Variants in ABCA4 observed in about 807,000 individuals in gnomAD.
ABCA4 encodes the protein ATP binding cassette subfamily A member 4, also known as retinal-specific phospholipid-transporting ATPase ABCA4.
In ABCA4, 196 loss-of-function variants were observed where a neutral mutation model predicts 263.7. The ratio of observed to expected loss-of-function variants is 0.74; its 90% CI spans 0.66 to 0.84. The LOEUF is 0.84. Ranked by LOEUF, ABCA4 falls within the 40% of genes least tolerant of loss-of-function variation. The pLI, the probability that ABCA4 is intolerant of heterozygous loss-of-function variation, is 0.00. For missense variants in ABCA4, 2,792 were observed against 2,855.1 expected, an observed-to-expected ratio of 0.98 and a Z score of 0.50; for synonymous variants, 1,133 against 1,094.2, an observed-to-expected ratio of 1.04 and a Z score of -0.70.
At chr1:94,002,795 C>A (rs1024007236) in intron 44 of ABCA4, among the ~76,000 whole-genome samples, 3 of 152,188 alleles carry the variant, frequency 2.0e-5, no homozygotes, top group Non-Finnish European at 4.4e-5. Context: ...AGCAGTTCCT[C>A]CCTGCGTTAC....
chr1:94,043,621 A>G, intron 20 of ABCA4, 146 bp from the exon 21 acceptor site: 1 of 1,108,928 alleles, frequency 9.0e-7, no homozygotes, highest in Non-Finnish European at 1.3e-6. Context: ...ATACAAAAAT[A>G]GCAGACCCTG....
intron 11 of ABCA4, 152 bp from the exon 12 acceptor site, chr1:94,063,469 G>T: frequency 1.2e-6 from 1 of 816,718 alleles, no homozygotes; most frequent in Non-Finnish European, 2.0e-6. Context: ...TAACTCCAGA[G>T]TCTGGTGTTA....
At chr1:94,055,903 A>T (rs1336040434) in intron 15 of ABCA4, among the ~76,000 whole-genome samples, 1 of 152,216 alleles carries the variant, frequency 6.6e-6, no homozygotes, top group Non-Finnish European at 1.5e-5. Flanking sequence ...CAGCACAGAG[A>T]CAGGGAGACT....
chr1:94,119,870 A>G (rs1160854529), intron 1 of ABCA4, among the ~76,000 whole-genome samples: 1 of 152,030 alleles, frequency 6.6e-6, no homozygotes, highest in Admixed American at 6.6e-5. Flanking sequence ...CTGAACCGAG[A>G]TTTGGAACAA....
intron 4 of ABCA4, 132 bp from the exon 5 acceptor site, chr1:94,103,274 A>G (rs1302213036): frequency 2.3e-5 from 27 of 1,165,070 alleles, no homozygotes; most frequent in Non-Finnish European, 3.1e-5. Flanking sequence ...GGTCTCTGGG[A>G]GCCCCTAGAG....
At chr1:94,115,886 G>A (rs992951077) in intron 1 of ABCA4, among the ~76,000 whole-genome samples, 2 of 152,068 alleles carry the variant, frequency 1.3e-5, no homozygotes, top group African/African-American at 4.8e-5. Context: ...TGCCAACTTG[G>A]AACCATGGTG....
chr1:94,023,337 A>G, intron 32 of ABCA4, 49 bp downstream of exon 32: 1 of 1,489,548 alleles, frequency 6.7e-7, no homozygotes, highest in Non-Finnish European at 9.3e-7. Context: ...CAATTATTTC[A>G]ACAATGAATC....
chr1:94,111,543 A>T lies in ABCA4; in HGVS notation c.197T>A (p.Met66Lys), dbSNP rs762081422. The part of the protein sequence containing the change: ...FPNKAMPSAG[M>K]LPWLQGIFCN... ...GAAGATCCCCTGGAGCCACGGCAGCATTCCTGCTGAGGGCATCGCCTTGTT... is the reference window on the plus strand; with the variant it reads ...GAAGATCCCCTGGAGCCACGGCAGCTTTCCTGCTGAGGGCATCGCCTTGTT... The change falls in exon 3 of 50, where the codon ATG becomes AAG. Residue 66 changes from methionine to lysine, a missense_variant. Coordinates refer to ENST00000370225, the MANE Select transcript of ABCA4 (RefSeq NM_000350.3). The T allele has an allele frequency of 1.2e-6, 2 of 1,614,246 alleles. No homozygotes were observed. The highest frequency in any genetic ancestry group is 1.7e-6 in the Non-Finnish European group (2 of 1,180,032).
chr1:94,029,824 G>T (rs1312053096), intron 29 of ABCA4, among the ~76,000 whole-genome samples, 193 bp from the exon 30 acceptor site: 1 of 152,122 alleles, frequency 6.6e-6, no homozygotes, highest in African/African-American at 2.4e-5. Context: ...TGTGGGGCTG[G>T]GGAATAACCA....
At chr1:94,019,807 G>A in intron 35 of ABCA4, 48 bp from the exon 36 acceptor site, 3 of 1,574,732 alleles carry the variant, frequency 1.9e-6, no homozygotes, top group South Asian at 1.2e-5. Context: ...AGAGGGAAGA[G>A]CAGAAGGAGG....
intron 35 of ABCA4, 98 bp from the exon 36 acceptor site, chr1:94,019,857 G>T (rs116362338): frequency 1.3e-5 from 17 of 1,340,774 alleles, no homozygotes; most frequent in Non-Finnish European, 1.6e-5. Context: ...CCTTACACCC[G>T]CCCAGGTGTG....
chr1:93,999,323 G>A (rs958225663), intron 47 of ABCA4, among the ~76,000 whole-genome samples: 4 of 152,222 alleles, frequency 2.6e-5, no homozygotes, highest in African/African-American at 9.6e-5. Context: ...TAGGATTACA[G>A]GTGTAAGCCA....
chr1:94,109,125 T>A (rs1420439792), intron 3 of ABCA4, among the ~76,000 whole-genome samples: 1 of 152,204 alleles, frequency 6.6e-6, no homozygotes, highest in Non-Finnish European at 1.5e-5. Flanking sequence ...CTACATTGAG[T>A]ATCCTTACAA....
intron 14 of ABCA4, 30 bp downstream of exon 14, chr1:94,060,507 G>T (rs747197870): frequency 4.4e-6 from 7 of 1,601,678 alleles, no homozygotes; most frequent in Non-Finnish European, 6.0e-6. Flanking sequence ...AAGTATTCAA[G>T]ATTTTCTGGG....
intron 36 of ABCA4, 105 bp downstream of exon 36, chr1:94,019,477 T>G: frequency 7.5e-7 from 1 of 1,331,964 alleles, no homozygotes; most frequent in Non-Finnish European, 1.0e-6. Context: ...TCAGCAGCCC[T>G]GGCACCGTGA....
At chr1:94,069,249 C>A (rs895829848) in intron 11 of ABCA4, among the ~76,000 whole-genome samples, 7 of 152,222 alleles carry the variant, frequency 4.6e-5, no homozygotes, top group African/African-American at 7.2e-5. Flanking sequence ...GTCTGTAATT[C>A]AAACACATTC....
intron 4 of ABCA4, among the ~76,000 whole-genome samples, chr1:94,107,511 G>C (rs554278391): frequency 6.6e-6 from 1 of 152,300 alleles, no homozygotes; most frequent in East Asian, 1.9e-4. Context: ...AAGGCACATT[G>C]GTGTTATTAC....
chr1:93,994,366 A>T (rs1557756280), intron 49 of ABCA4, among the ~76,000 whole-genome samples: 1 of 152,190 alleles, frequency 6.6e-6, no homozygotes, highest in Non-Finnish European at 1.5e-5. Context: ...TGGTAAGCAA[A>T]CGCTGATTTC....
At chr1:94,075,108 C>T (rs977329166) in intron 11 of ABCA4, among the ~76,000 whole-genome samples, 2 of 152,076 alleles carry the variant, frequency 1.3e-5, no homozygotes, top group African/African-American at 4.8e-5. Flanking sequence ...GGAAGCTGAA[C>T]AATGAGAACA....
Sources: gnomAD v4.1 joint callset for allele counts (sites outside exome capture counted in the v4.1 genomes callset) on GRCh38, gnomAD v4.1.1 for gene constraint, MANE v1.5 for transcripts, NCBI Gene and HGNC (gene_info 2026-07-23, HGNC 2026-07-21) for gene names.